The following PCCA variants were observed in gnomAD, a reference collection of about 807,000 sequenced individuals.
PCCA encodes the protein propionyl-CoA carboxylase alpha chain, mitochondrial.
In PCCA, 74 loss-of-function variants were observed where a neutral mutation model predicts 101.3. The observed-to-expected ratio is 0.73, with a 90% confidence interval of 0.61 to 0.89. The LOEUF is 0.89. Among genes scored for constraint, PCCA ranks in the 40% least tolerant of loss-of-function variants. The pLI is 0.00. For missense variants in PCCA, 891 were observed against 907.0 expected, an observed-to-expected ratio of 0.98 and a Z score of 0.23; for synonymous variants, 294 against 313.6, an observed-to-expected ratio of 0.94 and a Z score of 0.66.
intron 6 of PCCA, among the ~76,000 whole-genome samples, chr13:100,179,240 T>C (rs963804139): frequency 9.9e-5 from 15 of 152,022 alleles, no homozygotes; most frequent in Admixed American, 8.5e-4. Context: ...ATAATAAACA[T>C]ACCTTACATA....
At chr13:100,151,485 G>C (rs961451700) in intron 4 of PCCA, among the ~76,000 whole-genome samples, 2 of 152,038 alleles carry the variant, frequency 1.3e-5, no homozygotes, top group African/African-American at 4.8e-5. Context: ...CAGCTACTTG[G>C]GAAGGCTGAG....
At chr13:100,408,700 T>G (rs2077833412) in intron 19 of PCCA, among the ~76,000 whole-genome samples, 1 of 152,136 alleles carries the variant, frequency 6.6e-6, no homozygotes, top group Non-Finnish European at 1.5e-5. Flanking sequence ...CCACTGGAGT[T>G]AGAAGCCATG....
intron 18 of PCCA, among the ~76,000 whole-genome samples, chr13:100,367,687 G>A (rs1356168160): frequency 4.7e-5 from 7 of 147,754 alleles, no homozygotes; most frequent in South Asian, 2.2e-4. Context: ...GGCCAGGCGC[G>A]GTGGCTCATG....
intron 4 of PCCA, among the ~76,000 whole-genome samples, chr13:100,144,855 G>A (rs956554847): frequency 3.9e-5 from 6 of 152,190 alleles, no homozygotes; most frequent in Non-Finnish European, 8.8e-5. Flanking sequence ...GAGGAATTTT[G>A]CAAGAGAGAT....
At chr13:100,283,986 C>T (rs2064359224) in intron 12 of PCCA, among the ~76,000 whole-genome samples, 1 of 152,196 alleles carries the variant, frequency 6.6e-6, no homozygotes. Context: ...ACTGAGGGTG[C>T]CCGGGGCAAG....
In PCCA at chr13:100,403,430, C is replaced by A. The variant is rs536172210; in HGVS notation, c.1747-22203C>A. 2.0e-5 allele frequency among the ~76,000 whole-genome samples: 3 copies of A among 152,252 alleles called. No homozygotes were observed. In the South Asian group the frequency reaches 6.2e-4, roughly 32 times the overall value. The stretch of plus-strand genomic sequence containing the variant: ...GGCTGTGTAGGAAGCATAGCAGCAT[C>A]TGCTTCTGGGGAGGTCTCAGGGAGC... On this transcript the variant is annotated intron_variant, in intron 19 of 23. Coordinates refer to ENST00000376285, the MANE Select transcript of PCCA (RefSeq NM_000282.4).
chr13:100,500,844 C>T (rs1706287767), intron 21 of PCCA, among the ~76,000 whole-genome samples: 1 of 152,206 alleles, frequency 6.6e-6, no homozygotes, highest in African/African-American at 2.4e-5. Flanking sequence ...GCAAAAGATA[C>T]TTTAAAGATG....
intron 19 of PCCA, among the ~76,000 whole-genome samples, chr13:100,379,843 T>C (rs1036881388): frequency 6.6e-6 from 1 of 152,176 alleles, no homozygotes; most frequent in African/African-American, 2.4e-5. Flanking sequence ...GTGGGAATTA[T>C]GGGAGCTACA....
intron 4 of PCCA, among the ~76,000 whole-genome samples, chr13:100,146,074 G>A (rs574327710): frequency 1.6e-3 from 234 of 149,958 alleles, no homozygotes; most frequent in African/African-American, 5.4e-3. Flanking sequence ...CAAGCAGCTG[G>A]GACCATAGAT....
Position 100,268,512 on chromosome 13 carries a change from G to A in PCCA, c.820-177G>A, listed in dbSNP as rs148822554. On this transcript the variant is annotated intron_variant, in intron 10 of 23. Transcript: ENST00000376285. ...GATAAAAATGTTTTATTGAGCTTTG[G>A]AGTAATAAATATAGTTTTCCTTTGT... 6.7e-4 allele frequency: 467 copies of A among 694,106 alleles called. 2 individuals are homozygous for A. In the African/African-American group the frequency reaches 7.4e-3, roughly 11 times the overall value. 43.0% of individuals were successfully genotyped at this position (694,106 alleles called of 1,614,324 possible).
At chr13:100,370,074 C>CCTT (rs745392773) in intron 19 of PCCA, among the ~76,000 whole-genome samples, 3 of 74,640 alleles carry the variant, frequency 4.0e-5, no homozygotes, top group South Asian at 6.0e-4. Context: ...GCTGTTACTT[C>CCTT]TTTTTTTTTT....
chr13:100,440,155 AT>A (rs1431592986), intron 20 of PCCA, among the ~76,000 whole-genome samples: 1 of 102,876 alleles, frequency 9.7e-6, no homozygotes, highest in African/African-American at 3.2e-5. Flanking sequence ...AGAGTATTAA[AT>A]TATATATATA....
intron 12 of PCCA, among the ~76,000 whole-genome samples, chr13:100,287,243 A>G (rs2064748441): frequency 6.6e-6 from 1 of 152,070 alleles, no homozygotes; most frequent in Admixed American, 6.5e-5. Flanking sequence ...TTATAGCTAT[A>G]TATTATAGTA....
At chr13:100,430,772 T>C (rs2079493323) in intron 20 of PCCA, among the ~76,000 whole-genome samples, 1 of 152,188 alleles carries the variant, frequency 6.6e-6, no homozygotes, top group African/African-American at 2.4e-5. Flanking sequence ...TGCTTTCTCA[T>C]TCCTGCATGG....
intron 12 of PCCA, among the ~76,000 whole-genome samples, chr13:100,287,116 T>C (rs1358451994): frequency 6.6e-6 from 1 of 152,170 alleles, no homozygotes; most frequent in Non-Finnish European, 1.5e-5. Flanking sequence ...CTGTAATAAT[T>C]CGAAGTGCTA....
rs141914160 is a variant in PCCA at position 100,262,499 on chromosome 13, G to C, written c.717-230G>C. The stretch of plus-strand genomic sequence containing the variant: ...TAAATAACTCATCCATGGTCACAGA[G>C]TTAGTGAGTGGAAAAGTCACAGGTC... On this transcript the variant is annotated intron_variant, in intron 9 of 23. Transcript: ENST00000376285. Among the ~76,000 whole-genome samples the C allele has an allele frequency of 2.9e-4, 44 of 152,274 alleles. No homozygotes were observed. In the East Asian group the frequency reaches 8.3e-3, roughly 29 times the overall value.
At chr13:100,399,419 A>G (rs2077211350) in intron 19 of PCCA, among the ~76,000 whole-genome samples, 1 of 152,202 alleles carries the variant, frequency 6.6e-6, no homozygotes, top group Non-Finnish European at 1.5e-5. Flanking sequence ...TCCTCCTTAA[A>G]AGAAATATAA....
At chr13:100,206,331 A>G (rs889333084) in intron 6 of PCCA, among the ~76,000 whole-genome samples, 4 of 152,130 alleles carry the variant, frequency 2.6e-5, no homozygotes, top group South Asian at 2.1e-4. Context: ...CAGTGGTGCA[A>G]TCTTGGCTCA....
intron 4 of PCCA, among the ~76,000 whole-genome samples, chr13:100,116,648 TTATAAG>T (rs10532627): frequency 0.42 from 62,923 of 151,498 alleles, 14,112 homozygotes; most frequent in Middle Eastern, 0.57. Flanking sequence ...AACAAGATTT[TTATAAG>T]TATAACTTTT....
Sources: gnomAD v4.1 joint callset for allele counts (sites outside exome capture counted in the v4.1 genomes callset) on GRCh38, gnomAD v4.1.1 for gene constraint, MANE v1.5 for transcripts, NCBI Gene and HGNC (gene_info 2026-07-23, HGNC 2026-07-21) for gene names.